Variants in ENTHD1 observed in about 807,000 individuals in gnomAD.
ENTHD1 encodes ENTH domain containing 1, also known as ENTH domain-containing protein 1.
ENTHD1 carries 23 observed loss-of-function variants against 39.1 expected under a neutral mutation model. The ratio of observed to expected loss-of-function variants is 0.59; its 90% CI spans 0.42 to 0.83. The LOEUF is 0.83. Ranked by LOEUF, ENTHD1 falls within the 40% of genes least tolerant of loss-of-function variation. The pLI is 0.00. For missense variants in ENTHD1, 624 were observed against 705.4 expected, an observed-to-expected ratio of 0.88 and a Z score of 1.31; for synonymous variants, 230 against 258.2, an observed-to-expected ratio of 0.89 and a Z score of 1.05.
At position 39,773,117 on chromosome 22, in the gene ENTHD1, CAAAAAAAAAAAA is replaced by C. The variant is rs57398699; in HGVS notation, c.833-7520_833-7509del. ...TGGGCAACATAGTGAGACCTCATCT[CAAAAAAAAAAAA>C]AAAAAAAAAAAAAAAAAGAACCTCA... On this transcript the variant is annotated intron_variant, in intron 5 of 6. Transcript: ENST00000325157. 8.3e-3 allele frequency among the ~76,000 whole-genome samples: 299 copies of C among 36,144 alleles called. 3 individuals are homozygous for C. Among genetic ancestry groups the C allele is most frequent in the African/African-American group, 0.026 (257 of 9,764 alleles). The allele number at this position is 36,144 out of a possible 152,430, so 23.7% of individuals were successfully genotyped here.
chr22:39,848,869 A>C (rs2066012647), intron 3 of ENTHD1, among the ~76,000 whole-genome samples: 1 of 152,168 alleles, frequency 6.6e-6, no homozygotes, highest in East Asian at 1.9e-4. Flanking sequence ...TTGCCTTTTT[A>C]CCTTTAAATC....
chr22:39,820,973 C>T lies in ENTHD1; in HGVS notation c.832+20G>A, dbSNP rs372102762. ...AAATAAAATCTGATAAGTAAACTTC[C>T]TATTCCTTAACCAATTTACCTGCAC... On this transcript the variant is annotated intron_variant, in intron 5 of 6. Coordinates refer to ENST00000325157, the MANE Select transcript of ENTHD1 (RefSeq NM_152512.4). 8 of 1,613,078 alleles carry T rather than the reference C, an allele frequency of 5.0e-6. No homozygotes were observed. The highest frequency in any genetic ancestry group is 3.3e-5 in the Admixed American group (2 of 59,884).
At chr22:39,825,666 T>C (rs1423403823) in intron 4 of ENTHD1, among the ~76,000 whole-genome samples, 1 of 152,118 alleles carries the variant, frequency 6.6e-6, no homozygotes, top group Non-Finnish European at 1.5e-5. Flanking sequence ...TGAGAAAGTA[T>C]TCTATTTCTT....
intron 3 of ENTHD1, among the ~76,000 whole-genome samples, chr22:39,838,273 T>C (rs2065920502): frequency 6.6e-6 from 1 of 152,220 alleles, no homozygotes; most frequent in Admixed American, 6.5e-5. Context: ...TTACTCCTTA[T>C]GACTGTTTAA....
intron 2 of ENTHD1, among the ~76,000 whole-genome samples, chr22:39,873,727 G>A (rs539365589): frequency 2.8e-4 from 43 of 152,262 alleles, no homozygotes; most frequent in Non-Finnish European, 5.1e-4. Context: ...CAAGCAATTG[G>A]ATACCATACA....
intron 3 of ENTHD1, among the ~76,000 whole-genome samples, chr22:39,837,882 G>A (rs1280992333): frequency 6.6e-6 from 1 of 152,136 alleles, no homozygotes; most frequent in African/African-American, 2.4e-5. Flanking sequence ...AAGACAATCA[G>A]GACAACATCT....
intron 6 of ENTHD1, among the ~76,000 whole-genome samples, chr22:39,746,724 T>A (rs1227219319): frequency 6.6e-6 from 1 of 152,206 alleles, no homozygotes; most frequent in Non-Finnish European, 1.5e-5. Flanking sequence ...AAGGTCTAGC[T>A]ACCAGGGTGC....
chr22:39,838,756 T>C (rs1259401607), intron 3 of ENTHD1, among the ~76,000 whole-genome samples: 1 of 152,128 alleles, frequency 6.6e-6, no homozygotes, highest in African/African-American at 2.4e-5. Flanking sequence ...TATTAAAACC[T>C]TTGGTCAGAG....
chr22:39,796,707 T>G (rs1351772103), intron 5 of ENTHD1, among the ~76,000 whole-genome samples: 1 of 152,230 alleles, frequency 6.6e-6, no homozygotes, highest in Non-Finnish European at 1.5e-5. Flanking sequence ...TGTTACTGAT[T>G]TTTAGTTTTA....
rs1376259297 is a variant in ENTHD1 at position 39,876,992 on chromosome 22, A to G, written c.349+10408T>C. On this transcript the variant is annotated intron_variant, in intron 2 of 6. Transcript: ENST00000325157. ...GGGATAAAGATGTGTACATAAATGG[A>G]CTGTGACAGAGGCATACAGACATTG... is the stretch of plus-strand genomic sequence containing the variant. Among the ~76,000 whole-genome samples, 6 of 152,224 alleles carry G rather than the reference A, an allele frequency of 3.9e-5. No individual in the cohort carries two copies. In the East Asian group the frequency reaches 1.2e-3, roughly 29 times the overall value.
At chr22:39,793,997 A>ATGACACT (rs1036379694) in intron 5 of ENTHD1, among the ~76,000 whole-genome samples, 100 of 152,334 alleles carry the variant, frequency 6.6e-4, no homozygotes, top group African/African-American at 2.3e-3. Flanking sequence ...TCTGTAAAAA[A>ATGACACT]TGACACTGAT....
intron 5 of ENTHD1, among the ~76,000 whole-genome samples, chr22:39,802,208 C>T (rs1432570338): frequency 6.6e-6 from 1 of 152,218 alleles, no homozygotes; most frequent in Non-Finnish European, 1.5e-5. Context: ...GTAACAAAAA[C>T]ATGTTAACAA....
Position 39,887,845 on chromosome 22 carries a change from C to A in ENTHD1, c.-97G>T. On this transcript the variant is annotated 5_prime_UTR_variant, in exon 2 of 7. Coordinates refer to ENST00000325157, the MANE Select transcript of ENTHD1 (RefSeq NM_152512.4). ...AAACTCTTGACAGGTAATTGGTCCC[C>A]AGTTCTGCTGCTCCCAAATACAAAT... is the stretch of plus-strand genomic sequence containing the variant. The A allele has an allele frequency of 1.3e-6, 1 of 786,172 alleles. No homozygotes were observed. The highest frequency in any genetic ancestry group is 2.0e-6 in the Non-Finnish European group (1 of 505,030). 48.7% of individuals were successfully genotyped at this position (786,172 alleles called of 1,614,324 possible).
chr22:39,818,471 C>T (rs2146644625), intron 5 of ENTHD1, among the ~76,000 whole-genome samples: 1 of 152,276 alleles, frequency 6.6e-6, no homozygotes, highest in African/African-American at 2.4e-5. Context: ...CAAAGACATT[C>T]TAAAGAGAAG....
chr22:39,756,139 C>A (rs1254273084), intron 6 of ENTHD1, among the ~76,000 whole-genome samples: 1 of 152,194 alleles, frequency 6.6e-6, no homozygotes, highest in Non-Finnish European at 1.5e-5. Flanking sequence ...TGGAACTAGG[C>A]AACTTTCAAA....
At chr22:39,825,809 C>T (rs2065821785) in intron 4 of ENTHD1, among the ~76,000 whole-genome samples, 1 of 151,514 alleles carries the variant, frequency 6.6e-6, no homozygotes, top group Non-Finnish European at 1.5e-5. Context: ...AGTTTCACTA[C>T]CCTAAAAATC....
chr22:39,802,263 T>A (rs1884007024), intron 5 of ENTHD1, among the ~76,000 whole-genome samples: 1 of 152,254 alleles, frequency 6.6e-6, no homozygotes, highest in African/African-American at 2.4e-5. Context: ...TTATATGACA[T>A]GGGAGTCTCC....
At chr22:39,890,968 A>G (rs2066422006) in intron 1 of ENTHD1, among the ~76,000 whole-genome samples, 1 of 152,236 alleles carries the variant, frequency 6.6e-6, no homozygotes, top group Non-Finnish European at 1.5e-5. Context: ...ACACCTGACT[A>G]CATGAAAATG....
At chr22:39,827,837 A>T (rs1429343548) in intron 4 of ENTHD1, among the ~76,000 whole-genome samples, 10 of 152,206 alleles carry the variant, frequency 6.6e-5, no homozygotes, top group Admixed American at 6.5e-4. Flanking sequence ...AAATATATGT[A>T]CAAGGATTAT....
Sources: allele counts gnomAD v4.1 joint callset (sites outside exome capture counted in the v4.1 genomes callset), GRCh38; gene constraint gnomAD v4.1.1; transcripts MANE v1.5; gene names NCBI Gene and HGNC (gene_info 2026-07-23, HGNC 2026-07-21).